Variants in MROH7 observed in about 807,000 individuals in gnomAD.
The protein encoded by MROH7 is maestro heat-like repeat-containing protein family member 7.
MROH7 carries 113 observed loss-of-function variants against 129.2 expected under a neutral mutation model. The observed-to-expected ratio is 0.87, with a 90% CI of 0.75 to 1.02. The LOEUF is 1.02. Among genes scored for constraint, MROH7 ranks in the 50% least tolerant of loss-of-function variants. The pLI is 0.00. For synonymous variants in MROH7, 655 were observed against 667.9 expected (o/e 0.98, Z 0.30); for missense variants, 1,601 against 1,671.3 (o/e 0.96, Z 0.73).
At chr1:54,672,602 T>C (rs1644918860) in intron 7 of MROH7, among the ~76,000 whole-genome samples, 1 of 152,116 alleles carries the variant, frequency 6.6e-6, no homozygotes, top group Admixed American at 6.5e-5. Flanking sequence ...ATCAGAGCAT[T>C]TCCCCGGAGA....
intron 21 of MROH7, among the ~76,000 whole-genome samples, chr1:54,705,943 T>C (rs1557733201): frequency 6.6e-6 from 1 of 152,218 alleles, no homozygotes; most frequent in Non-Finnish European, 1.5e-5. Context: ...TGACTACCTC[T>C]GTCAGACTAT....
chr1:54,692,141 C>T (rs1227279785), intron 15 of MROH7, among the ~76,000 whole-genome samples: 1 of 152,284 alleles, frequency 6.6e-6, no homozygotes, highest in Middle Eastern at 3.4e-3. Flanking sequence ...GGCTGCCTGC[C>T]CAGCCCATGG....
At chr1:54,695,526 C>G in intron 17 of MROH7, 36 bp downstream of exon 17, 1 of 1,364,182 alleles carries the variant, frequency 7.3e-7, no homozygotes, top group Non-Finnish European at 1.0e-6. Flanking sequence ...AGCGGGAGCT[C>G]CTCCCGGGCC....
At chr1:54,662,301 C>T (rs991915232) in intron 3 of MROH7, among the ~76,000 whole-genome samples, 2 of 151,934 alleles carry the variant, frequency 1.3e-5, no homozygotes, top group African/African-American at 2.4e-5. Context: ...TTTTGGAGGC[C>T]GAGGCGGGCA....
intron 17 of MROH7, chr1:54,699,929 C>A (rs1645404903): frequency 8.5e-6 from 5 of 589,764 alleles, no homozygotes; most frequent in African/African-American, 3.7e-5. Context: ...AGGTGGGCAT[C>A]CCAGGAGAAG....
At chr1:54,700,818 C>CTGCTATGTAT (rs1645423093) in intron 18 of MROH7, among the ~76,000 whole-genome samples, 1 of 152,180 alleles carries the variant, frequency 6.6e-6, no homozygotes, top group South Asian at 2.1e-4. Context: ...ACTGTTGCAG[C>CTGCTATGTAT]TCATGATGTA....
chr1:54,670,773 T>A (rs2101107918), intron 6 of MROH7, 27 bp from the exon 7 acceptor site: 1 of 1,592,386 alleles, frequency 6.3e-7, no homozygotes, highest in East Asian at 2.3e-5. Flanking sequence ...TCTCACTCCA[T>A]TTCTTTGCTT....
intron 4 of MROH7, 143 bp from the exon 5 acceptor site, chr1:54,668,711 C>A (rs1644849879): frequency 3.1e-6 from 2 of 635,690 alleles, no homozygotes; most frequent in South Asian, 4.1e-5. Context: ...CCAAGCTCCC[C>A]TTGTGGGGAC....
rs143734212 is a variant in MROH7, at chr1:54,681,850, A to C, written c.2382-806A>C. On this transcript the variant is annotated intron_variant, in intron 13 of 23. Coordinates refer to ENST00000421030, the MANE Select transcript of MROH7 (RefSeq NM_001039464.4). ...TTAGAGGAATGAGCACAGGCTTTGA[A>C]GACATCAGGCCTGGCCATATCTGGA... 4.7e-3 allele frequency among the ~76,000 whole-genome samples: 715 copies of C among 152,296 alleles called. 12 individuals are homozygous for C. Among genetic ancestry groups the C allele is most frequent in the African/African-American group, 0.016 (680 of 41,562 alleles).
rs750665690 is a variant in MROH7 at position 54,686,477 on chromosome 1, C to T, written c.2711+29C>T. 4 of 1,596,224 alleles carry T rather than the reference C, an allele frequency of 2.5e-6. 1 individual carries two copies. The South Asian group carries it at 3.4e-5, about 13-fold the overall frequency. Reference sequence around the variant, plus strand: ...TGCTCTGCCCTCTCTCTTGACCCTGCTGTCCCCGGTGGTGGGAAGGGCCAT... The same window carrying T: ...TGCTCTGCCCTCTCTCTTGACCCTGTTGTCCCCGGTGGTGGGAAGGGCCAT... On this transcript the variant is annotated intron_variant, in intron 15 of 23. Coordinates refer to ENST00000421030, the MANE Select transcript of MROH7 (RefSeq NM_001039464.4).
Position 54,701,218 on chromosome 1 carries a change from G to A in MROH7, c.3181G>A (p.Ala1061Thr). The A allele has an allele frequency of 6.2e-7, 1 of 1,614,238 alleles. No homozygotes were observed. Among genetic ancestry groups the A allele is most frequent in the Non-Finnish European group, 8.5e-7 (1 of 1,180,030 alleles). ...KNMDGMLVVE[A>T]VHNLKAVFKG... Reference sequence around the variant, plus strand: ...CATGGATGGGATGCTGGTGGTGGAAGCGGTCCACAACCTCAAGGCTGTCTT... The same window carrying A: ...CATGGATGGGATGCTGGTGGTGGAAACGGTCCACAACCTCAAGGCTGTCTT... Residue 1061 changes from alanine to threonine, a missense_variant, in exon 19 of 24, where the codon GCG becomes ACG. By Grantham distance (58) the Ala-to-Thr change is moderately conservative. Coordinates refer to ENST00000421030, the MANE Select transcript of MROH7 (RefSeq NM_001039464.4).
chr1:54,679,261 A>G lies in MROH7; in HGVS notation c.2050-2A>G. 6.2e-7 allele frequency: 1 copy of G among 1,614,104 alleles called. No homozygotes were observed. The highest frequency in any genetic ancestry group is 1.3e-5 in the African/African-American group (1 of 75,062). On this transcript the variant is annotated splice_acceptor_variant, in intron 11 of 23. Transcript: ENST00000421030. LOFTEE classifies it high-confidence loss of function. The stretch of plus-strand genomic sequence containing the variant: ...GTCATGATCTCAGCACCTTTGTTTC[A>G]GGAATTTGGAGACTTCCTGGGGCCC...
At chr1:54,706,830 A>C (rs1645542441) in intron 22 of MROH7, among the ~76,000 whole-genome samples, 1 of 152,212 alleles carries the variant, frequency 6.6e-6, no homozygotes. Context: ...CATGGGTACA[A>C]GCCTAGCAGG....
intron 3 of MROH7, among the ~76,000 whole-genome samples, chr1:54,654,862 AG>A (rs1388718664): frequency 6.6e-6 from 1 of 152,074 alleles, no homozygotes; most frequent in Non-Finnish European, 1.5e-5. Context: ...CCTGATTTGT[AG>A]GATTTCTGTA....
At chr1:54,643,313 G>C (rs1644415731) in intron 1 of MROH7, among the ~76,000 whole-genome samples, 1 of 152,134 alleles carries the variant, frequency 6.6e-6, no homozygotes, top group Non-Finnish European at 1.5e-5. Context: ...GAATAGTCTT[G>C]GGGAAGTTTA....
At chr1:54,661,744 C>T (rs532034845) in intron 3 of MROH7, among the ~76,000 whole-genome samples, 29 of 151,824 alleles carry the variant, frequency 1.9e-4, no homozygotes, top group East Asian at 9.9e-4. Flanking sequence ...TACAGGCGCC[C>T]GCCACCATGC....
rs748491584 is a variant in MROH7 at position 54,710,094 on chromosome 1, G to T, written c.3879G>T (p.Trp1293Cys). 4 of 1,614,046 alleles carry T rather than the reference G, an allele frequency of 2.5e-6. No individual in the cohort carries two copies. In the Admixed American group the frequency reaches 6.7e-5, roughly 27 times the overall value. Residue 1293 changes from tryptophan to cysteine, a missense_variant, in exon 24 of 24, where the codon TGG becomes TGT. Transcript: ENST00000421030. ...GTTACTCAGCCACCACCCACCGCTGGAGCCCCAGCTGTGAGAACCTGCCCA... is the reference window on the plus strand; with the variant it reads ...GTTACTCAGCCACCACCCACCGCTGTAGCCCCAGCTGTGAGAACCTGCCCA... ...WVCYSATTHRWSPSCENLPTS... is the reference protein window; with the variant it reads ...WVCYSATTHRCSPSCENLPTS...
At chr1:54,697,320 G>A (rs575084292) in intron 17 of MROH7, 5 of 254,820 alleles carry the variant, frequency 2.0e-5, no homozygotes, top group Non-Finnish European at 3.0e-5. Flanking sequence ...ACTGCAGGTG[G>A]GCTATGAGTT....
In MROH7 at chr1:54,684,619, T is replaced by A. The variant is rs1283178656; in HGVS notation, c.2521-1639T>A. On this transcript the variant is annotated intron_variant, in intron 14 of 23. Transcript: ENST00000421030. ...AGCCCTGTGGCACATCACTAGAGACTTTTCCCTTACACCACAGACTGTGTT... is the reference window on the plus strand; with the variant it reads ...AGCCCTGTGGCACATCACTAGAGACATTTCCCTTACACCACAGACTGTGTT... Among the ~76,000 whole-genome samples the A allele has an allele frequency of 1.1e-4, 17 of 152,348 alleles. No individual in the cohort carries two copies. The East Asian group carries it at 3.3e-3, about 29-fold the overall frequency.
Sources: allele counts gnomAD v4.1 joint callset (sites outside exome capture counted in the v4.1 genomes callset), GRCh38; gene constraint gnomAD v4.1.1; transcripts MANE v1.5; gene names NCBI Gene and HGNC (gene_info 2026-07-23, HGNC 2026-07-21).